Variants in RERE observed in about 807,000 individuals in gnomAD.
The protein encoded by RERE is arginine-glutamic acid dipeptide repeats.
RERE carries 40 observed loss-of-function variants against 146.1 expected under a neutral mutation model. That is an observed-to-expected ratio of 0.27 (90% CI 0.21 to 0.36). RERE has a LOEUF of 0.36. Ranked by LOEUF, RERE falls within the 10% of genes least tolerant of loss-of-function variation. The pLI is 1.00. For missense variants in RERE, 1,933 were observed against 2,138.7 expected (o/e 0.90, Z 1.90); for synonymous variants, 1,003 against 866.0 (o/e 1.16, Z -2.78).
chr1:8,610,052 G>A (rs1284281679), intron 4 of RERE, among the ~76,000 whole-genome samples: 1 of 152,106 alleles, frequency 6.6e-6, no homozygotes, highest in African/African-American at 2.4e-5. Flanking sequence ...TTACAGGCGT[G>A]AGCCATCATG....
At chr1:8,371,173 G>A (rs1286083964) in intron 12 of RERE, among the ~76,000 whole-genome samples, 2 of 152,150 alleles carry the variant, frequency 1.3e-5, no homozygotes, top group Non-Finnish European at 2.9e-5. Flanking sequence ...CAAGAGAAGT[G>A]CTCAAATCCA....
chr1:8,462,007 G>A (rs1219043333), intron 11 of RERE, among the ~76,000 whole-genome samples: 1 of 152,038 alleles, frequency 6.6e-6, no homozygotes, highest in Admixed American at 6.5e-5. Flanking sequence ...ACCATGTTCA[G>A]CTATTTTATT....
intron 1 of RERE, among the ~76,000 whole-genome samples, chr1:8,727,229 G>A (rs1414600290): frequency 6.6e-6 from 1 of 152,050 alleles, no homozygotes; most frequent in Non-Finnish European, 1.5e-5. Context: ...TACAACCTCC[G>A]CCTCCAGGGT....
At chr1:8,576,471 T>TAATA (rs1646296016) in intron 4 of RERE, among the ~76,000 whole-genome samples, 1 of 152,164 alleles carries the variant, frequency 6.6e-6, no homozygotes, top group Non-Finnish European at 1.5e-5. Context: ...ATTTAGTCCA[T>TAATA]AATAAAGATT....
intron 6 of RERE, among the ~76,000 whole-genome samples, chr1:8,548,194 G>C (rs79938927): frequency 0.046 from 6,963 of 152,286 alleles, 226 homozygotes; most frequent in Middle Eastern, 0.071. Context: ...ATGCTGGAAG[G>C]ATGATCCAGC....
At chr1:8,380,715 C>A (rs1642415338) in intron 12 of RERE, 2 of 382,534 alleles carry the variant, frequency 5.2e-6, no homozygotes, top group African/African-American at 2.1e-5. Flanking sequence ...CAACACAAGT[C>A]AAAATCCTCA....
At chr1:8,632,922 A>G (rs1450502389) in intron 2 of RERE, among the ~76,000 whole-genome samples, 2 of 152,248 alleles carry the variant, frequency 1.3e-5, no homozygotes. Context: ...TTAAGTTAGC[A>G]AAATTCAAGA....
At chr1:8,383,079 C>T (rs1196164809) in intron 12 of RERE, among the ~76,000 whole-genome samples, 1 of 151,652 alleles carries the variant, frequency 6.6e-6, no homozygotes, top group Non-Finnish European at 1.5e-5. Context: ...ATCATGTTTC[C>T]CCTAGAACGA....
At chr1:8,603,957 GAA>G (rs767019162) in intron 4 of RERE, among the ~76,000 whole-genome samples, 62 of 145,402 alleles carry the variant, frequency 4.3e-4, no homozygotes, top group Non-Finnish European at 7.5e-4. Flanking sequence ...AAAAAGAAAA[GAA>G]AAAAGAAGAA....
intron 7 of RERE, among the ~76,000 whole-genome samples, chr1:8,521,290 T>A (rs532160623): frequency 6.6e-6 from 1 of 151,896 alleles, no homozygotes; most frequent in African/African-American, 2.4e-5. Flanking sequence ...TGGTTAATAA[T>A]TAGTGTAATT....
At chr1:8,383,865 TAAATAAAATAAAATA>T (rs59971377) in intron 12 of RERE, among the ~76,000 whole-genome samples, 9 of 148,324 alleles carry the variant, frequency 6.1e-5, no homozygotes, top group Non-Finnish European at 1.0e-4. Flanking sequence ...TCTCAAAAAA[TAAATAAAATAAAATA>T]AAATAAAATA....
At chr1:8,451,088 C>G (rs958772351) in intron 11 of RERE, among the ~76,000 whole-genome samples, 1 of 152,198 alleles carries the variant, frequency 6.6e-6, no homozygotes, top group Non-Finnish European at 1.5e-5. Flanking sequence ...CCCATGTTCT[C>G]TATGCAGCCT....
At chr1:8,731,722 C>G (rs1344147006) in intron 1 of RERE, among the ~76,000 whole-genome samples, 3 of 152,156 alleles carry the variant, frequency 2.0e-5, no homozygotes, top group Non-Finnish European at 2.9e-5. Context: ...AAGCATCTAA[C>G]CCACAGCAAA....
intron 9 of RERE, among the ~76,000 whole-genome samples, chr1:8,496,057 G>C (rs1298804076): frequency 6.6e-6 from 1 of 151,696 alleles, no homozygotes; most frequent in African/African-American, 2.4e-5. Flanking sequence ...TAGCTACTGG[G>C]GAGGACGAGG....
intron 1 of RERE, among the ~76,000 whole-genome samples, chr1:8,775,822 C>A (rs535416522): frequency 6.6e-6 from 1 of 152,282 alleles, no homozygotes; most frequent in East Asian, 1.9e-4. Flanking sequence ...ACTCTTTTAA[C>A]AATTTTATGA....
rs369032309 is a variant in RERE at position 8,358,458 on chromosome 1, G to A, written c.4077C>T (p.Ala1359=). Residue 1359 remains alanine (A), a synonymous_variant, in exon 20 of 23, where the codon GCC becomes GCT. Transcript: ENST00000400908. ...RHSALTIPPT[A]GPHPFASFHP... Reference sequence around the variant, plus strand: ...GGAAAGAAGCAAAAGGGTGGGGCCCGGCGGTCGGGGGGATGGTGAGGGCGC... The same window carrying A: ...GGAAAGAAGCAAAAGGGTGGGGCCCAGCGGTCGGGGGGATGGTGAGGGCGC... 92 of 1,584,488 alleles carry A rather than the reference G, an allele frequency of 5.8e-5. 1 individual carries two copies. The highest frequency in any genetic ancestry group is 9.0e-5 in the South Asian group (8 of 88,628).
At chr1:8,602,338 C>A (rs1298867370) in intron 4 of RERE, among the ~76,000 whole-genome samples, 2 of 151,240 alleles carry the variant, frequency 1.3e-5, no homozygotes, top group African/African-American at 2.4e-5. Context: ...CTGCAGTGAG[C>A]TGAGACTGCG....
chr1:8,758,071 A>C (rs982787701), intron 1 of RERE, among the ~76,000 whole-genome samples: 1 of 152,008 alleles, frequency 6.6e-6, no homozygotes, highest in African/African-American at 2.4e-5. Context: ...TATATGCAGA[A>C]TCCTAAAACG....
At chr1:8,494,462 C>A (rs1222382018) in intron 10 of RERE, among the ~76,000 whole-genome samples, 1 of 152,022 alleles carries the variant, frequency 6.6e-6, no homozygotes, top group Non-Finnish European at 1.5e-5. Context: ...CGTGGTGGCT[C>A]ACGCCTGTAA....
Sources: gnomAD v4.1 joint callset for allele counts (sites outside exome capture counted in the v4.1 genomes callset) on GRCh38, gnomAD v4.1.1 for gene constraint, MANE v1.5 for transcripts, NCBI Gene and HGNC (gene_info 2026-07-23, HGNC 2026-07-21) for gene names.